Variants in UBTF observed in about 807,000 individuals in gnomAD.
UBTF encodes nucleolar transcription factor 1.
In UBTF, 8 loss-of-function variants were observed where a neutral mutation model predicts 112.3. The ratio of observed to expected loss-of-function variants is 0.07; its 90% confidence interval spans 0.04 to 0.13. The LOEUF is 0.13. UBTF is among the 10% of genes least tolerant of loss of function. The pLI, the probability that UBTF is intolerant of heterozygous loss-of-function variation, is 1.00. For synonymous variants in UBTF, 417 were observed against 373.1 expected, an observed-to-expected ratio of 1.12 and a Z score of -1.36; for missense variants, 457 against 982.1, an observed-to-expected ratio of 0.47 and a Z score of 7.15.
chr17:44,212,721 T>C, intron 7 of UBTF, 98 bp downstream of exon 7: 1 of 1,556,982 alleles, frequency 6.4e-7, no homozygotes, highest in South Asian at 1.2e-5. Context: ...AGGGGCCTCC[T>C]CTCCTGCTCC....
chr17:44,212,179 G>T, intron 8 of UBTF, 165 bp downstream of exon 8: 2 of 417,708 alleles, frequency 4.8e-6, no homozygotes, highest in Admixed American at 3.5e-5. Context: ...AGATCTCATG[G>T]GGGTGGGGGG....
At chr17:44,220,230 T>C (rs375001873), upstream of UBTF, among the ~76,000 whole-genome samples, 73 of 150,664 alleles carry the variant, frequency 4.8e-4, no homozygotes, top group South Asian at 0.015. Flanking sequence ...AGGGCCGAGG[T>C]GCGGCCGCGG....
At chr17:44,218,376 G>A (rs2046952595) in intron 1 of UBTF, 80 bp from the exon 2 acceptor site, 4 of 781,126 alleles carry the variant, frequency 5.1e-6, no homozygotes, top group South Asian at 4.5e-5. Flanking sequence ...CAGAGTAGAA[G>A]GGGGCAGGTC....
At chr17:44,214,637 G>A (rs2046755686) in intron 5 of UBTF, among the ~76,000 whole-genome samples, 1 of 123,744 alleles carries the variant, frequency 8.1e-6, no homozygotes, top group Admixed American at 7.5e-5. Flanking sequence ...CTTGGGCAGT[G>A]GTTGCAGACA....
rs1436592059 is a variant in UBTF, at chr17:44,210,852, G to A, written c.1299C>T (p.Ser433=). The A allele has an allele frequency of 4.4e-6, 7 of 1,573,794 alleles. No homozygotes were observed. The highest frequency in any genetic ancestry group is 1.7e-4 in the Middle Eastern group (1 of 6,000). Residue 433 remains serine (S), a synonymous_variant, in exon 13 of 21, where the codon TCC becomes TCT. Coordinates refer to ENST00000436088, the MANE Select transcript of UBTF (RefSeq NM_014233.4). ...CCAGCAGGCGGGTCAGCTCGCTCTC[G>A]GAGAGCTCAGGCCGCTCCTCCTGCA... The part of the protein sequence containing the change: ...RQLQEERPEL[S]ESELTRLLAR...
Position 44,207,585 on chromosome 17 carries a change from CCTCCTCGGA to C in UBTF, c.2029_2037del (p.Ser677_Glu679del), listed in dbSNP as rs2056336231. The C allele has an allele frequency of 6.2e-7, 1 of 1,614,072 alleles. No individual in the cohort carries two copies. The highest frequency in any genetic ancestry group is 8.5e-7 in the Non-Finnish European group (1 of 1,180,030). On this transcript the variant is annotated inframe_deletion, in exon 20 of 21. Transcript: ENST00000436088. ...TCGTCATCCTCATCCTCTTCATCAT[CCTCCTCGGA>C]CTCCTTGGAGGGATGGAGGCACATC... is the stretch of plus-strand genomic sequence containing the variant.
At chr17:44,218,554 C>A in intron 1 of UBTF, 1 of 307,412 alleles carries the variant, frequency 3.3e-6, no homozygotes, top group Non-Finnish European at 5.9e-6. Flanking sequence ...CTCCCGCGTG[C>A]AGCGAGCGCC....
In UBTF at chr17:44,211,551, G is replaced by A. The variant is rs1187250498; in HGVS notation, c.1047+55C>T. The A allele has an allele frequency of 1.3e-6, 2 of 1,585,666 alleles. No homozygotes were observed. The highest frequency in any genetic ancestry group is 1.7e-6 in the Non-Finnish European group (2 of 1,167,468). On this transcript the variant is annotated intron_variant, in intron 10 of 20. Coordinates refer to ENST00000436088, the MANE Select transcript of UBTF (RefSeq NM_014233.4). The surrounding 1 kb of genome is among the most constrained non-coding windows in gnomAD (Gnocchi z 4.9). ...CCAGGGACTGACTGGCCCAAGATGG[G>A]ATCAGACCTCATGCTTCAAAACCCC...
intron 15 of UBTF, 114 bp from the exon 16 acceptor site, chr17:44,209,847 G>A (rs112344458): frequency 0.01 from 11,738 of 1,154,522 alleles, 95 homozygotes; most frequent in Non-Finnish European, 0.013. Flanking sequence ...CAGGGAGGAG[G>A]AGAAACAGGT....
chr17:44,218,237 C>A lies in UBTF; in HGVS notation c.-8G>T, dbSNP rs1253892756. ...GTCGGCTTCTCCGTTCATCCTCCAGCTGTCCAGCCACCTCCTCGGTCGTGC... is the reference window on the plus strand; with the variant it reads ...GTCGGCTTCTCCGTTCATCCTCCAGATGTCCAGCCACCTCCTCGGTCGTGC... On this transcript the variant is annotated 5_prime_UTR_variant, in exon 2 of 21. Transcript: ENST00000436088. 2 of 1,612,154 alleles carry A rather than the reference C, an allele frequency of 1.2e-6. No homozygotes were observed. The highest frequency in any genetic ancestry group is 2.7e-5 in the African/African-American group (2 of 74,828).
upstream of UBTF, among the ~76,000 whole-genome samples, chr17:44,220,375 G>A (rs1300701523): frequency 2.0e-5 from 3 of 151,926 alleles, no homozygotes; most frequent in Non-Finnish European, 1.5e-5. Flanking sequence ...CTCCCGGAGC[G>A]AGCGGTCCGC....
chr17:44,216,223 A>C (rs531130962), intron 3 of UBTF: 36 of 603,924 alleles, frequency 6.0e-5, no homozygotes, highest in Non-Finnish European at 9.9e-5. Context: ...CAAGGGGACT[A>C]ACTGACCTCA....
rs2056798663 is a variant in UBTF at position 44,213,069 on chromosome 17, C to T, written c.540-130G>A. On this transcript the variant is annotated intron_variant, in intron 6 of 20. Transcript: ENST00000436088. ...AGTGGGACGGTGGCTGCCTGCCTGT[C>T]TCTGTCCCTGAGCATGACACACTAG... The T allele has an allele frequency of 2.6e-6, 4 of 1,540,380 alleles. No homozygotes were observed. In the East Asian group the frequency reaches 6.8e-5, roughly 26 times the overall value.
chr17:44,212,446 C>T lies in UBTF; in HGVS notation c.669G>A (p.Thr223=), dbSNP rs755256049. The change falls in exon 8 of 21, where the codon ACG becomes ACA. Residue 223 remains threonine, a synonymous_variant. Transcript: ENST00000436088. ...VYLKVRPDAT[T]KEVKDSLGKQ... ...TCCCCAGGGAGTCCTTCACCTCCTT[C>T]GTAGTGGCCTGCAAACCAAAAGCCG... is the stretch of plus-strand genomic sequence containing the variant. 6 of 1,502,528 alleles carry T rather than the reference C, an allele frequency of 4.0e-6. No individual in the cohort carries two copies. Among genetic ancestry groups the T allele is most frequent in the South Asian group, 3.3e-5 (3 of 89,760 alleles). 93.1% of individuals were successfully genotyped at this position (1,502,528 alleles called of 1,614,324 possible). A position where few individuals can be genotyped will look rare whatever the true frequency, so the allele number is the denominator to read the frequency against.
Position 44,206,397 on chromosome 17 carries a change from C to A in UBTF, c.*845G>T, listed in dbSNP as rs2056239852. 4.2e-5 allele frequency: 6 copies of A among 142,236 alleles called. No individual in the cohort carries two copies. The South Asian group carries it at 6.6e-4, about 16-fold the overall frequency. The allele number at this position is 142,236 out of a possible 1,614,324, so 8.8% of individuals were successfully genotyped here. ...GATTCACAACAAACTGATGTGGGCT[C>A]TAGGACAGACCCCTTTACACACACA... On this transcript the variant is annotated 3_prime_UTR_variant, in exon 21 of 21. Transcript: ENST00000436088.
chr17:44,211,789 C>G lies in UBTF; in HGVS notation c.906-42G>C. On this transcript the variant is annotated intron_variant, in intron 9 of 20. Coordinates refer to ENST00000436088, the MANE Select transcript of UBTF (RefSeq NM_014233.4). The surrounding 1 kb of genome is among the most constrained non-coding windows in gnomAD (Gnocchi z 4.9). Reference sequence around the variant, plus strand: ...GAGAGAGGTGCAGCCCGTAAGCGAGCAGGGCAGCAGGCCTTCTCACCTGCA... The same window carrying G: ...GAGAGAGGTGCAGCCCGTAAGCGAGGAGGGCAGCAGGCCTTCTCACCTGCA... 1 of 1,597,822 alleles carries G rather than the reference C, an allele frequency of 6.3e-7. No homozygotes were observed. The highest frequency in any genetic ancestry group is 1.3e-5 in the African/African-American group (1 of 74,858).
chr17:44,206,998 T>TA lies in UBTF; in HGVS notation c.*243dup, dbSNP rs2056281989. On this transcript the variant is annotated 3_prime_UTR_variant, in exon 21 of 21. Coordinates refer to ENST00000436088, the MANE Select transcript of UBTF (RefSeq NM_014233.4). ...GGGCCAGGCTGGTCCGGTGCTGGCT[T>TA]AGTCTGATAGTTGCTGTCCCTGGAG... 1 of 572,808 alleles carries TA rather than the reference T, an allele frequency of 1.7e-6. No homozygotes were observed. 35.5% of individuals were successfully genotyped at this position (572,808 alleles called of 1,614,324 possible). A position where few individuals can be genotyped will look rare whatever the true frequency, so the allele number is the denominator to read the frequency against.
At chr17:44,208,006 A>C in intron 17 of UBTF, 95 bp from the exon 18 acceptor site, 1 of 1,509,908 alleles carries the variant, frequency 6.6e-7, no homozygotes, top group Non-Finnish European at 9.1e-7. Flanking sequence ...GAGCATTTAT[A>C]TATCATCACC....
chr17:44,220,095 G>T (rs910677039), upstream of UBTF, among the ~76,000 whole-genome samples: 4 of 141,116 alleles, frequency 2.8e-5, no homozygotes, highest in Non-Finnish European at 6.3e-5. Context: ...AGGGGGGGGG[G>T]GCCGGGGCAG....
Sources: allele counts gnomAD v4.1 joint callset (sites outside exome capture counted in the v4.1 genomes callset), GRCh38; gene constraint gnomAD v4.1.1; non-coding constraint Gnocchi (gnomAD v3.1); transcripts MANE v1.5; gene names NCBI Gene and HGNC (gene_info 2026-07-23, HGNC 2026-07-21).